The following LRRC4C variants were observed in gnomAD, a reference collection of about 807,000 sequenced individuals.
LRRC4C encodes leucine rich repeat containing 4C, also known as leucine-rich repeat-containing protein 4C.
A neutral mutation model predicts 33.6 loss-of-function variants in LRRC4C; 5 were observed. The ratio of observed to expected loss-of-function variants is 0.15; its 90% confidence interval spans 0.08 to 0.31. The LOEUF is 0.31. Among genes scored for constraint, LRRC4C ranks in the 10% least tolerant of loss-of-function variants. The pLI is 1.00. For missense variants in LRRC4C, 560 were observed against 796.7 expected (o/e 0.70, Z 3.58); for synonymous variants, 329 against 302.0 (o/e 1.09, Z -0.93).
At chr11:40,416,373 G>T (rs967257926) in intron 3 of LRRC4C, among the ~76,000 whole-genome samples, 2 of 152,068 alleles carry the variant, frequency 1.3e-5, no homozygotes, top group Middle Eastern at 3.2e-3. Context: ...ATCAAGATGG[G>T]GGTTGGGAGG....
chr11:40,293,346 C>G (rs1944328092), intron 4 of LRRC4C: 1 of 151,934 alleles, frequency 6.6e-6, no homozygotes, highest in Non-Finnish European at 1.5e-5. Context: ...TCCCCGCCCC[C>G]ACCCCCAGCA....
At chr11:40,802,968 GC>G (rs1951099448) in intron 2 of LRRC4C, among the ~76,000 whole-genome samples, 1 of 152,074 alleles carries the variant, frequency 6.6e-6, no homozygotes. Flanking sequence ...AAGAGAAAAG[GC>G]AATGCAAAAA....
chr11:40,989,622 A>G (rs1015714731), intron 1 of LRRC4C, among the ~76,000 whole-genome samples: 11 of 152,114 alleles, frequency 7.2e-5, no homozygotes, highest in Admixed American at 5.9e-4. Flanking sequence ...TGATCTCACA[A>G]TAAGGCTTAC....
At chr11:41,025,546 A>T (rs896715408) in intron 1 of LRRC4C, among the ~76,000 whole-genome samples, 10 of 151,554 alleles carry the variant, frequency 6.6e-5, no homozygotes, top group Admixed American at 2.0e-4. Flanking sequence ...AAAAACTTGC[A>T]GAAGAAAAGC....
chr11:40,499,998 C>T (rs1481833094), intron 3 of LRRC4C, among the ~76,000 whole-genome samples: 2 of 151,828 alleles, frequency 1.3e-5, no homozygotes, highest in Non-Finnish European at 2.9e-5. Context: ...CTGTTCCTGT[C>T]CCAGCTTCCC....
chr11:41,298,658 T>C (rs1950206132), intron 1 of LRRC4C, among the ~76,000 whole-genome samples: 3 of 152,306 alleles, frequency 2.0e-5, no homozygotes, highest in Admixed American at 6.5e-5. Flanking sequence ...TTAACTTGAA[T>C]AAATTTAAGG....
chr11:41,288,571 AG>A (rs1949902194), intron 1 of LRRC4C, among the ~76,000 whole-genome samples: 1 of 152,244 alleles, frequency 6.6e-6, no homozygotes, highest in South Asian at 2.1e-4. Flanking sequence ...GTAAATAAGT[AG>A]TTGCATATTT....
At chr11:41,274,077 G>A (rs1051853870) in intron 1 of LRRC4C, among the ~76,000 whole-genome samples, 1 of 152,064 alleles carries the variant, frequency 6.6e-6, no homozygotes, top group Non-Finnish European at 1.5e-5. Context: ...TCCTGACATG[G>A]AGGCATGCAT....
chr11:40,690,503 G>GA (rs1226342992), intron 2 of LRRC4C, among the ~76,000 whole-genome samples: 1 of 151,968 alleles, frequency 6.6e-6, no homozygotes, highest in South Asian at 2.1e-4. Context: ...CTTTATAGGC[G>GA]AAAAAACAGA....
At chr11:41,042,953 C>T (rs567598480) in intron 1 of LRRC4C, among the ~76,000 whole-genome samples, 1 of 150,352 alleles carries the variant, frequency 6.7e-6, no homozygotes, top group East Asian at 1.9e-4. Context: ...TGAAAGGAGG[C>T]CCTGGTTAGC....
chr11:41,030,404 G>C (rs1856648407), intron 1 of LRRC4C, among the ~76,000 whole-genome samples: 2 of 151,902 alleles, frequency 1.3e-5, no homozygotes, highest in South Asian at 4.1e-4. Flanking sequence ...ATTATGTTCA[G>C]ACCTGTATCA....
chr11:40,688,701 A>G (rs1371333208), intron 2 of LRRC4C, among the ~76,000 whole-genome samples: 1 of 152,102 alleles, frequency 6.6e-6, no homozygotes, highest in Non-Finnish European at 1.5e-5. Context: ...TTTACAAGAA[A>G]TGACACGAAA....
chr11:40,535,604 G>A (rs938207504), intron 3 of LRRC4C, among the ~76,000 whole-genome samples: 2 of 152,204 alleles, frequency 1.3e-5, no homozygotes, highest in African/African-American at 2.4e-5. Context: ...GTTTGTGTGT[G>A]TGTTTTGTTT....
chr11:40,948,302 G>A (rs879402830), intron 1 of LRRC4C, among the ~76,000 whole-genome samples: 3 of 151,720 alleles, frequency 2.0e-5, no homozygotes, highest in Non-Finnish European at 2.9e-5. Flanking sequence ...TAGAGTTCGT[G>A]GGTTTTACTA....
At chr11:41,394,614 A>G (rs1024592440) in intron 1 of LRRC4C, 21 of 151,992 alleles carry the variant, frequency 1.4e-4, no homozygotes, top group African/African-American at 5.1e-4. Context: ...ATAGGTTGTG[A>G]AGACTGCAGA....
At chr11:40,562,659 C>T (rs1957594945) in intron 3 of LRRC4C, among the ~76,000 whole-genome samples, 2 of 152,102 alleles carry the variant, frequency 1.3e-5, no homozygotes, top group Non-Finnish European at 2.9e-5. Flanking sequence ...TTTCAAACTA[C>T]CTTAAGTGTA....
intron 3 of LRRC4C, among the ~76,000 whole-genome samples, chr11:40,340,567 C>A (rs1437660581): frequency 6.6e-6 from 1 of 152,048 alleles, no homozygotes; most frequent in African/African-American, 2.4e-5. Context: ...GTAATAATAA[C>A]CTTTATCAAT....
intron 2 of LRRC4C, among the ~76,000 whole-genome samples, chr11:40,900,035 T>A (rs548573527): frequency 6.6e-6 from 1 of 152,286 alleles, no homozygotes; most frequent in Admixed American, 6.5e-5. Context: ...TGAATTAAAT[T>A]ATTACTATTG....
intron 1 of LRRC4C, among the ~76,000 whole-genome samples, chr11:41,144,407 G>A (rs1312606301): frequency 6.6e-6 from 1 of 152,122 alleles, no homozygotes; most frequent in African/African-American, 2.4e-5. Context: ...AATAGAACCA[G>A]CTTGAAGCTG....
Sources: gnomAD v4.1 joint callset for allele counts (sites outside exome capture counted in the v4.1 genomes callset) on GRCh38, gnomAD v4.1.1 for gene constraint, MANE v1.5 for transcripts, NCBI Gene and HGNC (gene_info 2026-07-23, HGNC 2026-07-21) for gene names.